Variants in PHF21B observed in about 807,000 individuals in gnomAD.
PHF21B encodes the protein PHD finger protein 4.
Under a neutral mutation model 62.2 loss-of-function variants are expected in PHF21B, and 22 were observed. That is an observed-to-expected ratio of 0.35 (90% CI 0.25 to 0.51). The LOEUF (loss-of-function observed/expected upper bound fraction) is 0.51. Ranked by LOEUF, PHF21B falls within the 20% of genes least tolerant of loss-of-function variation. PHF21B has a pLI of 0.97. For missense variants in PHF21B, 701 were observed against 707.9 expected (o/e 0.99, Z 0.11); for synonymous variants, 341 against 314.7 (o/e 1.08, Z -0.88).
intron 7 of PHF21B, 38 bp from the exon 8 acceptor site, chr22:44,891,398 C>T (rs1705693708): frequency 6.2e-7 from 1 of 1,607,546 alleles, no homozygotes; most frequent in South Asian, 1.1e-5. Flanking sequence ...ACCCCATCAT[C>T]TGGAGGCTCT....
intron 2 of PHF21B, among the ~76,000 whole-genome samples, chr22:45,000,209 A>G (rs937028030): frequency 6.6e-6 from 1 of 152,136 alleles, no homozygotes; most frequent in Non-Finnish European, 1.5e-5. Flanking sequence ...AAAGCCTTCT[A>G]AACAGTACTC....
intron 2 of PHF21B, among the ~76,000 whole-genome samples, chr22:44,945,853 T>G (rs971699657): frequency 6.6e-6 from 1 of 152,114 alleles, no homozygotes; most frequent in African/African-American, 2.4e-5. Flanking sequence ...ACCAGAACTC[T>G]TTGGGCCTCA....
chr22:44,956,615 C>T (rs775100438), intron 2 of PHF21B, among the ~76,000 whole-genome samples: 3 of 151,004 alleles, frequency 2.0e-5, no homozygotes, highest in Non-Finnish European at 2.9e-5. Context: ...CTTCACGAGG[C>T]GGCTGCTGCC....
intron 2 of PHF21B, among the ~76,000 whole-genome samples, chr22:44,947,871 G>A (rs1312466755): frequency 6.6e-6 from 1 of 151,802 alleles, no homozygotes; most frequent in African/African-American, 2.4e-5. Flanking sequence ...TACAAACAGC[G>A]ATGTGCGCAG....
At chr22:44,913,084 G>A (rs893524131) in intron 5 of PHF21B, among the ~76,000 whole-genome samples, 2 of 152,184 alleles carry the variant, frequency 1.3e-5, no homozygotes, top group African/African-American at 4.8e-5. Flanking sequence ...GCCACCATCA[G>A]TGCAGGGGCT....
intron 2 of PHF21B, among the ~76,000 whole-genome samples, chr22:44,936,836 T>C (rs1273743430): frequency 1.3e-5 from 2 of 151,904 alleles, no homozygotes; most frequent in African/African-American, 4.8e-5. Context: ...AAACTTGTAA[T>C]TTAAGACAAA....
chr22:44,889,455 C>G (rs981295923), intron 9 of PHF21B, among the ~76,000 whole-genome samples: 2 of 152,206 alleles, frequency 1.3e-5, no homozygotes, highest in Non-Finnish European at 2.9e-5. Context: ...CCTTTGGGCA[C>G]CAGCTGGCTG....
intron 2 of PHF21B, among the ~76,000 whole-genome samples, chr22:44,951,368 G>A (rs189010230): frequency 2.0e-5 from 3 of 152,250 alleles, no homozygotes; most frequent in South Asian, 2.1e-4. Flanking sequence ...GACAGGAGGC[G>A]GAACTCGGGG....
chr22:44,897,106 T>C (rs1383981833), intron 5 of PHF21B, among the ~76,000 whole-genome samples: 1 of 152,052 alleles, frequency 6.6e-6, no homozygotes, highest in East Asian at 1.9e-4. Flanking sequence ...CTTGAACTCC[T>C]GGGTGCAGGC....
In PHF21B at chr22:44,958,696, C is replaced by T. The variant is rs553551174; in HGVS notation, c.121-38206G>A. 9.3e-5 allele frequency among the ~76,000 whole-genome samples: 14 copies of T among 150,902 alleles called. No individual in the cohort carries two copies. In the South Asian group the frequency reaches 3.0e-3, roughly 32 times the overall value. ...TCTTGGCTCACAGCAACCTCCGCCT[C>T]CTGGGTTCAAGTGACTCTCCTGCCT... On this transcript the variant is annotated intron_variant, in intron 2 of 12. Coordinates refer to ENST00000313237, the MANE Select transcript of PHF21B (RefSeq NM_138415.5).
chr22:44,946,215 A>AGAGGAGGTGCACTGCGGCAGAGCCCAGG (rs2072066964), intron 2 of PHF21B, among the ~76,000 whole-genome samples: 1 of 152,010 alleles, frequency 6.6e-6, no homozygotes, highest in African/African-American at 2.4e-5. Context: ...GGCACCACGT[A>AGAGGAGGTGCACTGCGGCAGAGCCCAGG]CTTCTGGGGC....
chr22:44,891,263 G>A (rs368467544), intron 8 of PHF21B, 43 bp downstream of exon 8: 316 of 1,607,654 alleles, frequency 2.0e-4, no homozygotes, highest in East Asian at 7.8e-4. Flanking sequence ...GACTCCCCGC[G>A]GCCCTGAGCA....
At position 44,885,942 on chromosome 22, in the gene PHF21B, G is replaced by A. The variant is rs2070849826; in HGVS notation, c.1198-4C>T. 6.2e-7 allele frequency: 1 copy of A among 1,613,812 alleles called. No individual in the cohort carries two copies. Among genetic ancestry groups the A allele is most frequent in the Non-Finnish European group, 8.5e-7 (1 of 1,179,866 alleles). On this transcript the variant is annotated splice_region_variant and splice_polypyrimidine_tract_variant and intron_variant, in intron 10 of 12. Transcript: ENST00000313237. ...CACCCTCGTCTTTCTTTAAGGCCTG[G>A]GGAGCAGACGGGGAGATGAAAAAGT...
chr22:44,916,265 C>T lies in PHF21B; in HGVS notation c.564+15G>A. Reference sequence around the variant, plus strand: ...GGCCGCACACCCTTTCCGGAGCCTGCTGGTGGGCACTCACCTTGTTGTCAG... The same window carrying T: ...GGCCGCACACCCTTTCCGGAGCCTGTTGGTGGGCACTCACCTTGTTGTCAG... On this transcript the variant is annotated intron_variant, in intron 4 of 12. Transcript: ENST00000313237. 6.2e-7 allele frequency: 1 copy of T among 1,605,120 alleles called. No individual in the cohort carries two copies.
At chr22:45,003,980 T>C (rs10212051) in intron 2 of PHF21B, among the ~76,000 whole-genome samples, 14,710 of 151,840 alleles carry the variant, frequency 0.097, 734 homozygotes, top group Middle Eastern at 0.14. Context: ...CACACACACA[T>C]ACATATATAC....
intron 5 of PHF21B, among the ~76,000 whole-genome samples, chr22:44,912,493 T>C (rs560716522): frequency 3.3e-5 from 5 of 151,594 alleles, no homozygotes; most frequent in Non-Finnish European, 5.9e-5. Flanking sequence ...TCTCACAAGA[T>C]CTGATGTGTT....
In PHF21B at chr22:45,009,665, G is replaced by A; in HGVS notation, c.-116C>T. 5 of 979,718 alleles carry A rather than the reference G, an allele frequency of 5.1e-6. No individual in the cohort carries two copies. The highest frequency in any genetic ancestry group is 7.0e-6 in the Non-Finnish European group (5 of 709,742). 60.7% of individuals were successfully genotyped at this position (979,718 alleles called of 1,614,324 possible). A position where few individuals can be genotyped will look rare whatever the true frequency, so the allele number is the denominator to read the frequency against. On this transcript the variant is annotated 5_prime_UTR_variant, in exon 1 of 13. Coordinates refer to ENST00000313237, the MANE Select transcript of PHF21B (RefSeq NM_138415.5). This position sits in a 1 kb window ranked among gnomAD's most constrained non-coding sequence, Gnocchi z 5.9. ...GACGCGGCCTCCGGGCTGGGTTGGG[G>A]GGGACACGAGCCCCCTCCCCCACGG...
intron 2 of PHF21B, among the ~76,000 whole-genome samples, chr22:44,979,996 G>A (rs1465770791): frequency 6.8e-6 from 1 of 147,372 alleles, no homozygotes; most frequent in East Asian, 2.0e-4. Context: ...TTGAACCCGG[G>A]AGACAGAGGC....
intron 2 of PHF21B, among the ~76,000 whole-genome samples, chr22:45,006,463 C>T (rs1323730451): frequency 1.3e-5 from 2 of 152,182 alleles, no homozygotes; most frequent in Non-Finnish European, 2.9e-5. Context: ...AGCCCGGAGT[C>T]GGAGAGCTCC....
Sources: gnomAD v4.1 joint callset for allele counts (sites outside exome capture counted in the v4.1 genomes callset) on GRCh38, gnomAD v4.1.1 for gene constraint, Gnocchi (gnomAD v3.1) non-coding constraint, MANE v1.5 for transcripts, NCBI Gene and HGNC (gene_info 2026-07-23, HGNC 2026-07-21) for gene names.